Variants in NUAK1 observed in about 807,000 individuals in gnomAD.
The protein encoded by NUAK1 is NUAK family SNF1-like kinase 1.
A neutral mutation model predicts 56.9 loss-of-function variants in NUAK1; 26 were observed. That is an observed-to-expected ratio of 0.46 (90% confidence interval 0.33 to 0.63). NUAK1 has a LOEUF of 0.63. Ranked by LOEUF, NUAK1 falls within the 30% of genes least tolerant of loss-of-function variation. NUAK1 has a pLI of 0.02. For missense variants in NUAK1, 727 were observed against 876.1 expected, an observed-to-expected ratio of 0.83 and a Z score of 2.15; for synonymous variants, 337 against 336.0, an observed-to-expected ratio of 1.00 and a Z score of -0.03.
chr12:106,089,290 C>T (rs1368079654), intron 2 of NUAK1, among the ~76,000 whole-genome samples: 1 of 152,252 alleles, frequency 6.6e-6, no homozygotes, highest in Non-Finnish European at 1.5e-5. Flanking sequence ...GCCAAAGCCT[C>T]TGGCCCTTCA....
Position 106,115,457 on chromosome 12 carries a change from G to T in NUAK1, c.241-8932C>A, listed in dbSNP as rs138359451. On this transcript the variant is annotated intron_variant, in intron 1 of 6. Transcript: ENST00000261402. Reference sequence around the variant, plus strand: ...CCTATCAGATAGGGCGGGAGCAACCGTGCAGGCTGCAGTCCGTCCCCCAAA... The same window carrying T: ...CCTATCAGATAGGGCGGGAGCAACCTTGCAGGCTGCAGTCCGTCCCCCAAA... 7.4e-3 allele frequency among the ~76,000 whole-genome samples: 1,123 copies of T among 152,294 alleles called. 10 individuals are homozygous for T. Among genetic ancestry groups the T allele is most frequent in the African/African-American group, 0.026 (1,074 of 41,554 alleles).
rs909565543 is a variant in NUAK1 at position 106,138,081 on chromosome 12, T to C, written c.240+333A>G. ...CGTTTCGGGGCATGGTCTAAATGAG[T>C]GCCTGCGAGGGAGAGAGACCCCGGC... On this transcript the variant is annotated intron_variant, in intron 1 of 6. Coordinates refer to ENST00000261402, the MANE Select transcript of NUAK1 (RefSeq NM_014840.3). The surrounding 1 kb of genome is among the most constrained non-coding windows in gnomAD (Gnocchi z 5.0). Among the ~76,000 whole-genome samples, 5 of 152,188 alleles carry C rather than the reference T, an allele frequency of 3.3e-5. No homozygotes were observed. Among genetic ancestry groups the C allele is most frequent in the African/African-American group, 1.2e-4 (5 of 41,442 alleles).
intron 2 of NUAK1, among the ~76,000 whole-genome samples, chr12:106,105,449 T>C (rs2136471364): frequency 6.6e-6 from 1 of 152,268 alleles, no homozygotes; most frequent in South Asian, 2.1e-4. Context: ...AGAAATTAGA[T>C]TCAATAAATT....
At chr12:106,104,752 A>G (rs1329326174) in intron 2 of NUAK1, among the ~76,000 whole-genome samples, 1 of 152,210 alleles carries the variant, frequency 6.6e-6, no homozygotes, top group Non-Finnish European at 1.5e-5. Flanking sequence ...ACCAGGATAA[A>G]AGAAATATAT....
chr12:106,088,196 G>A (rs2032595369), intron 2 of NUAK1, among the ~76,000 whole-genome samples: 1 of 152,162 alleles, frequency 6.6e-6, no homozygotes, highest in Non-Finnish European at 1.5e-5. Context: ...CACATAAGAT[G>A]TCCTTTGAGC....
chr12:106,129,986 TTC>T (rs1555224873), intron 1 of NUAK1, among the ~76,000 whole-genome samples: 3 of 151,944 alleles, frequency 2.0e-5, no homozygotes, highest in African/African-American at 7.3e-5. Context: ...CCTTTTTTTT[TTC>T]TCTCTCTCTG....
At position 106,066,632 on chromosome 12, in the gene NUAK1, C is replaced by A. The variant is rs1380862105; in HGVS notation, c.*170G>T. 1.5e-6 allele frequency: 1 copy of A among 663,722 alleles called. No individual in the cohort carries two copies. The highest frequency in any genetic ancestry group is 2.6e-6 in the Non-Finnish European group (1 of 378,798). 41.1% of individuals were successfully genotyped at this position (663,722 alleles called of 1,614,324 possible). A position where few individuals can be genotyped will look rare whatever the true frequency, so the allele number is the denominator to read the frequency against. ...TTGACAGAACTGGCAGAAGAGCCCA[C>A]CTCTCCCTTTTAGGTGTTGGCTCAA... On this transcript the variant is annotated 3_prime_UTR_variant, in exon 7 of 7. Transcript: ENST00000261402.
chr12:106,107,906 C>G (rs1411410226), intron 1 of NUAK1, among the ~76,000 whole-genome samples: 2 of 152,198 alleles, frequency 1.3e-5, no homozygotes, highest in Admixed American at 6.5e-5. Flanking sequence ...AGTCCTTACC[C>G]CAGTTGTGAT....
At position 106,067,032 on chromosome 12, in the gene NUAK1, G is replaced by A. The variant is rs749283937; in HGVS notation, c.1756C>T (p.Leu586=). ...GCAGGGCGATTCTCCTGCAAATCCA[G>A]CAAGTCAAAAGAGTCGCTGGACAGC... ...SVLSSDSFDL[L]DLQENRPARQ... is the part of the protein sequence containing the mutation. The change falls in exon 7 of 7, where the codon CTG becomes TTG. Residue 586 remains leucine (L), a synonymous_variant. Coordinates refer to ENST00000261402, the MANE Select transcript of NUAK1 (RefSeq NM_014840.3). The surrounding 1 kb of genome is among the most constrained non-coding windows in gnomAD (Gnocchi z 6.0). The A allele has an allele frequency of 2.5e-6, 4 of 1,614,116 alleles. No homozygotes were observed. The African/African-American group carries it at 5.3e-5, about 22-fold the overall frequency.
intron 1 of NUAK1, among the ~76,000 whole-genome samples, chr12:106,127,887 A>G (rs994679893): frequency 2.0e-5 from 3 of 152,168 alleles, no homozygotes; most frequent in Non-Finnish European, 4.4e-5. Flanking sequence ...AGGCTGCTGC[A>G]GGGACAGACA....
intron 1 of NUAK1, among the ~76,000 whole-genome samples, chr12:106,116,883 T>C (rs1179074110): frequency 2.0e-5 from 3 of 152,200 alleles, no homozygotes; most frequent in Non-Finnish European, 4.4e-5. Context: ...AAAGGCAGAA[T>C]TGTATGGGAG....
At chr12:106,117,512 A>G (rs1403220981) in intron 1 of NUAK1, among the ~76,000 whole-genome samples, 1 of 152,234 alleles carries the variant, frequency 6.6e-6, no homozygotes, top group Non-Finnish European at 1.5e-5. Context: ...ACACTCAGTC[A>G]TCTCCTCCAT....
At chr12:106,128,218 G>A (rs1443921742) in intron 1 of NUAK1, among the ~76,000 whole-genome samples, 5 of 146,424 alleles carry the variant, frequency 3.4e-5, no homozygotes, top group Admixed American at 1.4e-4. Context: ...TGCAACCTCC[G>A]CCTCCCGGGT....
intron 4 of NUAK1, among the ~76,000 whole-genome samples, chr12:106,075,861 C>T (rs541117510): frequency 7.2e-5 from 11 of 152,360 alleles, no homozygotes; most frequent in East Asian, 1.9e-4. Context: ...GAGACCAGGC[C>T]TCCGGCCTAG....
At position 106,067,457 on chromosome 12, in the gene NUAK1, C is replaced by T. The variant is rs2032355189; in HGVS notation, c.1331G>A (p.Ser444Asn). The change falls in exon 7 of 7, where the codon AGC becomes AAC. Residue 444 changes from serine to asparagine, a missense_variant. By Grantham distance (46) the Ser-to-Asn change is conservative (BLOSUM62 1). Coordinates refer to ENST00000261402, the MANE Select transcript of NUAK1 (RefSeq NM_014840.3). This position sits in a 1 kb window ranked among gnomAD's most constrained non-coding sequence, Gnocchi z 6.0. Reference protein sequence around the residue: ...DLCRTGVLLPSSPEAEVPGKL... With the variant: ...DLCRTGVLLPNSPEAEVPGKL... Reference sequence around the variant, plus strand: ...TCCCGGCACCTCTGCCTCTGGTGAGCTTGGGAGGAGCACGCCAGTCCTGCA... The same window carrying T: ...TCCCGGCACCTCTGCCTCTGGTGAGTTTGGGAGGAGCACGCCAGTCCTGCA... 2 of 1,614,170 alleles carry T rather than the reference C, an allele frequency of 1.2e-6. No individual in the cohort carries two copies. Among genetic ancestry groups the T allele is most frequent in the Middle Eastern group, 3.3e-4 (2 of 6,062 alleles).
In NUAK1 at chr12:106,067,856, T is replaced by G; in HGVS notation, c.932A>C (p.Lys311Thr). Residue 311 changes from lysine to threonine, a missense_variant, in exon 7 of 7, where the codon AAG becomes ACG. Transcript: ENST00000261402. The surrounding 1 kb of genome is among the most constrained non-coding windows in gnomAD (Gnocchi z 6.0). ...GGCATCACAGTCACACACGCTGCTC[T>G]TATAGCCCCAGTTCACCCACCAGTG... ...ANHWWVNWGY[K>T]SSVCDCDALH... is the part of the protein sequence containing the mutation. The G allele has an allele frequency of 6.2e-7, 1 of 1,614,236 alleles. No individual in the cohort carries two copies. Among genetic ancestry groups the G allele is most frequent in the Non-Finnish European group, 8.5e-7 (1 of 1,180,048 alleles).
chr12:106,124,105 G>C (rs887055318), intron 1 of NUAK1, among the ~76,000 whole-genome samples: 16 of 152,084 alleles, frequency 1.1e-4, no homozygotes, highest in Non-Finnish European at 4.4e-5. Context: ...TGAAGCAAAG[G>C]GGTTGGGGGA....
At position 106,066,494 on chromosome 12, in the gene NUAK1, A is replaced by C; in HGVS notation, c.*308T>G. The C allele has an allele frequency of 5.3e-6, 2 of 374,194 alleles. No homozygotes were observed. Among genetic ancestry groups the C allele is most frequent in the South Asian group, 4.0e-5 (1 of 24,770 alleles). 23.2% of individuals were successfully genotyped at this position (374,194 alleles called of 1,614,324 possible). A position where few individuals can be genotyped will look rare whatever the true frequency, so the allele number is the denominator to read the frequency against. On this transcript the variant is annotated 3_prime_UTR_variant, in exon 7 of 7. Coordinates refer to ENST00000261402, the MANE Select transcript of NUAK1 (RefSeq NM_014840.3). ...TTCTAAGGAAATGCTCCTTCCACAT[A>C]TGCTTCCTCTCCACCCACTGAGTGC... is the stretch of plus-strand genomic sequence containing the variant.
rs145104988 is a variant in NUAK1, at chr12:106,072,915, C to T, written c.580-72G>A. 875 of 1,566,908 alleles carry T rather than the reference C, an allele frequency of 5.6e-4. 6 individuals are homozygous for T. In the African/African-American group the frequency reaches 0.011, roughly 20 times the overall value. ...TATGTCTGTGTTGGATCAGTTCACA[C>T]CACACAGCACACAGAGTGGATGAAG... On this transcript the variant is annotated intron_variant, in intron 4 of 6. Coordinates refer to ENST00000261402, the MANE Select transcript of NUAK1 (RefSeq NM_014840.3).
Sources: gnomAD v4.1 joint callset for allele counts (sites outside exome capture counted in the v4.1 genomes callset) on GRCh38, gnomAD v4.1.1 for gene constraint, Gnocchi (gnomAD v3.1) non-coding constraint, MANE v1.5 for transcripts, NCBI Gene and HGNC (gene_info 2026-07-23, HGNC 2026-07-21) for gene names.